Variants in PTPRD observed in about 807,000 individuals in gnomAD.
PTPRD encodes receptor-type tyrosine-protein phosphatase delta.
PTPRD carries 34 observed loss-of-function variants against 214.5 expected under a neutral mutation model. The observed-to-expected ratio is 0.16, with a 90% CI of 0.12 to 0.21. The LOEUF (loss-of-function observed/expected upper bound fraction) is 0.21. Among genes scored for constraint, PTPRD ranks in the 10% least tolerant of loss-of-function variants. The pLI is 1.00. For missense variants in PTPRD, 2,545 were observed against 2,398.7 expected (o/e 1.06, Z -1.27); for synonymous variants, 1,128 against 845.7 (o/e 1.33, Z -5.79).
chr9:9,066,732 A>G (rs1590929027), intron 10 of PTPRD, among the ~76,000 whole-genome samples: 1 of 152,214 alleles, frequency 6.6e-6, no homozygotes, highest in South Asian at 2.1e-4. Flanking sequence ...TTGAAATGAT[A>G]CAGCCATAAG....
intron 11 of PTPRD, among the ~76,000 whole-genome samples, chr9:8,760,169 G>A (rs1342593789): frequency 2.0e-5 from 3 of 152,134 alleles, no homozygotes; most frequent in East Asian, 3.9e-4. Flanking sequence ...GACCTCAGGT[G>A]ATCCACCCAC....
chr9:10,347,237 C>T (rs2097100310), intron 2 of PTPRD, among the ~76,000 whole-genome samples: 1 of 151,984 alleles, frequency 6.6e-6, no homozygotes, highest in African/African-American at 2.4e-5. Flanking sequence ...CCTCTATGAG[C>T]ATATTTTGTT....
chr9:9,673,584 T>G (rs1271523091), intron 7 of PTPRD, among the ~76,000 whole-genome samples: 1 of 151,678 alleles, frequency 6.6e-6, no homozygotes, highest in African/African-American at 2.4e-5. Flanking sequence ...GTTTAAGCAT[T>G]AAGGACTCTT....
intron 3 of PTPRD, among the ~76,000 whole-genome samples, chr9:10,231,955 TTAGAGAGAGA>T (rs1226534880): frequency 8.8e-4 from 67 of 75,852 alleles, no homozygotes; most frequent in African/African-American, 4.4e-3. Context: ...TGGGAATGAA[TTAGAGAGAGA>T]GAGAGAGAGA....
At chr9:9,952,615 C>T (rs761091456) in intron 4 of PTPRD, among the ~76,000 whole-genome samples, 5 of 152,194 alleles carry the variant, frequency 3.3e-5, no homozygotes, top group South Asian at 2.1e-4. Context: ...GGAAGACCAG[C>T]GCTATTAACT....
chr9:9,351,907 T>G (rs1417359130), intron 9 of PTPRD, among the ~76,000 whole-genome samples: 1 of 151,974 alleles, frequency 6.6e-6, no homozygotes, highest in Admixed American at 6.6e-5. Flanking sequence ...ATATGAGGAT[T>G]ACATGATTAG....
chr9:10,446,991 T>C (rs1284198016), intron 2 of PTPRD, among the ~76,000 whole-genome samples: 1 of 152,142 alleles, frequency 6.6e-6, no homozygotes, highest in African/African-American at 2.4e-5. Flanking sequence ...TCAGCCCAAA[T>C]ATACTCTGAT....
At chr9:9,185,141 C>G (rs1188418964) in intron 9 of PTPRD, among the ~76,000 whole-genome samples, 2 of 152,064 alleles carry the variant, frequency 1.3e-5, no homozygotes, top group Non-Finnish European at 2.9e-5. Context: ...TGACCCTCTA[C>G]TGGATTTAAT....
In PTPRD at chr9:9,871,881, C is replaced by T. The variant is rs558067318; in HGVS notation, c.-368+66626G>A. On this transcript the variant is annotated intron_variant, in intron 5 of 45. Coordinates refer to ENST00000381196, the MANE Select transcript of PTPRD (RefSeq NM_002839.4). ...CCTTTAACAATAGGAATGCATAAGTCTAACTATTCTAAATAAATCATAATA... is the reference window on the plus strand; with the variant it reads ...CCTTTAACAATAGGAATGCATAAGTTTAACTATTCTAAATAAATCATAATA... Among the ~76,000 whole-genome samples, 14 of 152,260 alleles carry T rather than the reference C, an allele frequency of 9.2e-5. No homozygotes were observed. The South Asian group carries it at 2.5e-3, about 27-fold the overall frequency.
At chr9:9,384,937 A>G (rs1266292603) in intron 9 of PTPRD, among the ~76,000 whole-genome samples, 1 of 152,144 alleles carries the variant, frequency 6.6e-6, no homozygotes, top group Non-Finnish European at 1.5e-5. Context: ...AGTATCTCTC[A>G]TAATTGATTG....
chr9:9,546,514 T>C (rs1258826030), intron 8 of PTPRD, among the ~76,000 whole-genome samples: 3 of 151,858 alleles, frequency 2.0e-5, no homozygotes, highest in East Asian at 1.9e-4. Flanking sequence ...TTCTTTTCTA[T>C]GTATTTATCT....
intron 11 of PTPRD, among the ~76,000 whole-genome samples, chr9:8,789,929 G>A (rs1268367718): frequency 3.3e-5 from 5 of 152,106 alleles, no homozygotes; most frequent in African/African-American, 1.2e-4. Flanking sequence ...AGAACCATAT[G>A]GAAATGACAG....
At chr9:8,636,671 CAG>C in intron 13 of PTPRD, 26 bp downstream of exon 13, 1 of 1,610,656 alleles carries the variant, frequency 6.2e-7, no homozygotes. Context: ...ATTCTTCCCC[CAG>C]AGAAACAGAA....
intron 3 of PTPRD, among the ~76,000 whole-genome samples, chr9:10,254,444 C>G (rs1304626895): frequency 6.6e-6 from 1 of 151,666 alleles, no homozygotes; most frequent in Non-Finnish European, 1.5e-5. Flanking sequence ...ATAGGCAAGA[C>G]TTTATCTATT....
At chr9:8,574,188 A>G (rs1324680408) in intron 14 of PTPRD, among the ~76,000 whole-genome samples, 1 of 152,038 alleles carries the variant, frequency 6.6e-6, no homozygotes, top group Non-Finnish European at 1.5e-5. Flanking sequence ...CATCTCAAGA[A>G]AAGACTAGAA....
At chr9:9,775,163 T>C (rs1201002232) in intron 5 of PTPRD, among the ~76,000 whole-genome samples, 1 of 152,194 alleles carries the variant, frequency 6.6e-6, no homozygotes, top group East Asian at 1.9e-4. Context: ...ATCAACTAAT[T>C]GCATTAATAA....
chr9:9,077,771 T>A (rs2099753378), intron 10 of PTPRD, among the ~76,000 whole-genome samples: 2 of 152,012 alleles, frequency 1.3e-5, no homozygotes, highest in African/African-American at 4.8e-5. Context: ...AAGATAAAGA[T>A]GAAGCACATG....
chr9:10,360,480 A>G (rs968375049), intron 2 of PTPRD, among the ~76,000 whole-genome samples: 3 of 152,186 alleles, frequency 2.0e-5, no homozygotes, highest in African/African-American at 7.2e-5. Flanking sequence ...TGTTCCCTCT[A>G]TCATTCTCCT....
chr9:9,840,124 A>T (rs2057922038), intron 5 of PTPRD, among the ~76,000 whole-genome samples: 1 of 151,650 alleles, frequency 6.6e-6, no homozygotes, highest in Non-Finnish European at 1.5e-5. Context: ...TGCAACTTCC[A>T]CCTCCCGGGT....
Sources: allele counts gnomAD v4.1 joint callset (sites outside exome capture counted in the v4.1 genomes callset), GRCh38; gene constraint gnomAD v4.1.1; transcripts MANE v1.5; gene names NCBI Gene and HGNC (gene_info 2026-07-23, HGNC 2026-07-21).